The following PADI6 variants were observed in gnomAD, a reference collection of about 807,000 sequenced individuals.
The protein encoded by PADI6 is inactive protein-arginine deiminase type-6.
PADI6 carries 66 observed loss-of-function variants against 78.2 expected under a neutral mutation model. The observed-to-expected ratio is 0.84, with a 90% CI of 0.69 to 1.04. PADI6 has a LOEUF of 1.04. PADI6 is among the 50% of genes least tolerant of loss of function. The pLI, the probability that PADI6 is intolerant of heterozygous loss-of-function variation, is 0.00. For synonymous variants in PADI6, 397 were observed against 346.9 expected (o/e 1.14, Z -1.60); for missense variants, 854 against 866.1 (o/e 0.99, Z 0.18).
chr1:17,375,975 C>CTTTTTTTTTTTTTTTTTTTTTTT (rs575076756), intron 3 of PADI6, among the ~76,000 whole-genome samples: 47 of 150,326 alleles, frequency 3.1e-4, no homozygotes, highest in Middle Eastern at 3.4e-3. Context: ...ATAACATCTA[C>CTTTTTTTTTTTTTTTTTTTTTTT]TTTTTTTTTC....
chr1:17,395,590 A>G lies in PADI6; in HGVS notation c.1545A>G (p.Arg515=). Reference sequence around the variant, plus strand: ...CCAGTGCCTGCTATAAACTGTTCCGAGAGAAACAGAAGGAAGGCTATGGCG... The same window carrying G: ...CCAGTGCCTGCTATAAACTGTTCCGGGAGAAACAGAAGGAAGGCTATGGCG... ...ASPSACYKLF[R]EKQKEGYGDA... is the part of the protein sequence containing the mutation. Residue 515 remains arginine, a synonymous_variant, in exon 13 of 16, where the codon CGA becomes CGG. Transcript: ENST00000619609. 6.3e-7 allele frequency: 1 copy of G among 1,589,586 alleles called. No homozygotes were observed. The highest frequency in any genetic ancestry group is 8.6e-7 in the Non-Finnish European group (1 of 1,167,812).
At chr1:17,393,619 A>G (rs2075214749) in intron 9 of PADI6, among the ~76,000 whole-genome samples, 1 of 152,146 alleles carries the variant, frequency 6.6e-6, no homozygotes, top group Non-Finnish European at 1.5e-5. Context: ...GATTACAGGC[A>G]TGAGCCACCA....
intron 6 of PADI6, among the ~76,000 whole-genome samples, chr1:17,383,430 C>T (rs1284336240): frequency 6.6e-6 from 1 of 152,236 alleles, no homozygotes; most frequent in Admixed American, 6.5e-5. Context: ...CCCTGGGAGG[C>T]TACCAGTGCT....
At chr1:17,396,947 C>A in intron 13 of PADI6, 124 bp from the exon 14 acceptor site, 1 of 837,396 alleles carries the variant, frequency 1.2e-6, no homozygotes, top group Non-Finnish European at 2.0e-6. Flanking sequence ...ATAGGCCAGT[C>A]CTCTCGCCAT....
intron 15 of PADI6, among the ~76,000 whole-genome samples, chr1:17,399,225 C>T (rs2075277316): frequency 6.6e-6 from 1 of 152,224 alleles, no homozygotes; most frequent in African/African-American, 2.4e-5. Flanking sequence ...AGCAACCTAC[C>T]TCAGGGTGGG....
intron 6 of PADI6, among the ~76,000 whole-genome samples, chr1:17,384,370 GCTTA>G (rs1197877665): frequency 6.6e-6 from 1 of 152,192 alleles, no homozygotes; most frequent in African/African-American, 2.4e-5. Flanking sequence ...AAGGCAGGAG[GCTTA>G]CTTGGGCACA....
intron 15 of PADI6, among the ~76,000 whole-genome samples, chr1:17,399,534 G>T (rs964302281): frequency 2.6e-5 from 4 of 152,014 alleles, no homozygotes; most frequent in Non-Finnish European, 5.9e-5. Context: ...GACAGAGGTT[G>T]CATTGAGCCT....
chr1:17,388,684 C>T, intron 7 of PADI6, 93 bp from the exon 8 acceptor site: 2 of 1,465,790 alleles, frequency 1.4e-6, no homozygotes, highest in Non-Finnish European at 9.3e-7. Flanking sequence ...TGGGGCCCAG[C>T]TGGGGGCCGG....
In PADI6 at chr1:17,388,435, C is replaced by T. The variant is rs772208946; in HGVS notation, c.734C>T (p.Thr245Ile). Residue 245 changes from threonine to isoleucine, a missense_variant, in exon 7 of 16, where the codon ACC becomes ATC. Physicochemically the swap from Thr to Ile is moderately conservative, Grantham distance 89. Coordinates refer to ENST00000619609, the MANE Select transcript of PADI6 (RefSeq NM_207421.4). ...CTGGGGCCCGACCAGCACGCCTATA[C>T]CTTGGCCCTCCTCGGGAACCACTTG... Reference protein sequence around the residue: ...LVLGPDQHAYTLALLGNHLKE... With the variant: ...LVLGPDQHAYILALLGNHLKE... 8.7e-6 allele frequency: 14 copies of T among 1,613,804 alleles called. No homozygotes were observed. In the South Asian group the frequency reaches 1.1e-4, roughly 13 times the overall value.
In PADI6 at chr1:17,392,153, G is replaced by A; in HGVS notation, c.1002G>A (p.Lys334=). 1 of 1,561,850 alleles carries A rather than the reference G, an allele frequency of 6.4e-7. No individual in the cohort carries two copies. Residue 334 remains lysine, a synonymous_variant, in exon 9 of 16, where the codon AAG becomes AAA. Transcript: ENST00000619609. ...QLQGFVDTVT[K]LSEKSNSQVA... ...AGGGTTTTGTGGACACAGTGACGAA[G>A]CTGAGTGAGAAGAGCAACAGCCAGG...
Position 17,379,945 on chromosome 1 carries a change from C to T in PADI6, c.393C>T (p.Tyr131=). The change falls in exon 4 of 16, where the codon TAC becomes TAT. Residue 131 remains tyrosine, a synonymous_variant. Coordinates refer to ENST00000619609, the MANE Select transcript of PADI6 (RefSeq NM_207421.4). The part of the protein sequence containing the change: ...GIEVSLEVDI[Y]RNGQVEMSSD... The stretch of plus-strand genomic sequence containing the variant: ...AGGTCTCTCTAGAGGTAGACATCTA[C>T]CGCAATGGGCAAGTTGAGATGTCAA... The T allele has an allele frequency of 6.2e-7, 1 of 1,613,544 alleles. No individual in the cohort carries two copies. Among genetic ancestry groups the T allele is most frequent in the Non-Finnish European group, 8.5e-7 (1 of 1,179,602 alleles).
At chr1:17,379,836 G>A in intron 3 of PADI6, 84 bp from the exon 4 acceptor site, 1 of 1,233,322 alleles carries the variant, frequency 8.1e-7, no homozygotes, top group Non-Finnish European at 1.2e-6. Flanking sequence ...CCAGCCTTGG[G>A]CAGCCCCACA....
At chr1:17,378,026 C>T (rs543748394) in intron 3 of PADI6, among the ~76,000 whole-genome samples, 2 of 152,298 alleles carry the variant, frequency 1.3e-5, no homozygotes, top group East Asian at 3.9e-4. Context: ...TGCTGTGGGT[C>T]CTGTTGGCCA....
intron 6 of PADI6, among the ~76,000 whole-genome samples, chr1:17,387,466 G>GC (rs1252359693): frequency 6.6e-6 from 1 of 151,548 alleles, no homozygotes; most frequent in Non-Finnish European, 1.5e-5. Context: ...GGAGGGGGGG[G>GC]GGCCAGGCGT....
intron 2 of PADI6, 62 bp from the exon 3 acceptor site, chr1:17,375,365 G>GGC: frequency 1.4e-6 from 2 of 1,457,226 alleles, no homozygotes; most frequent in South Asian, 2.4e-5. Flanking sequence ...CATGGCCTGG[G>GGC]GCTCTGTTCC....
At chr1:17,373,375 C>T (rs563037752) in intron 2 of PADI6, 142 bp downstream of exon 2, 300 of 1,024,572 alleles carry the variant, frequency 2.9e-4, no homozygotes, top group Non-Finnish European at 3.9e-4. Flanking sequence ...GTGTCTGCAA[C>T]AGACCAGTGG....
intron 4 of PADI6, among the ~76,000 whole-genome samples, chr1:17,380,733 C>T (rs2075065001): frequency 6.6e-6 from 1 of 152,146 alleles, no homozygotes; most frequent in African/African-American, 2.4e-5. Context: ...GTGGAGTCTC[C>T]TAGATGAGAG....
intron 9 of PADI6, among the ~76,000 whole-genome samples, chr1:17,393,473 C>T (rs922193775): frequency 1.3e-5 from 2 of 152,148 alleles, no homozygotes; most frequent in African/African-American, 2.4e-5. Flanking sequence ...GAATGTAAGC[C>T]AGTAAGGCTT....
intron 3 of PADI6, among the ~76,000 whole-genome samples, chr1:17,377,556 T>C (rs1014339791): frequency 2.0e-5 from 3 of 152,320 alleles, no homozygotes; most frequent in Admixed American, 6.5e-5. Context: ...GAAATGCAAA[T>C]GGATTCTCTC....
Sources: gnomAD v4.1 joint callset for allele counts (sites outside exome capture counted in the v4.1 genomes callset) on GRCh38, gnomAD v4.1.1 for gene constraint, MANE v1.5 for transcripts, NCBI Gene and HGNC (gene_info 2026-07-23, HGNC 2026-07-21) for gene names.